Variants in GMDS observed in about 807,000 individuals in gnomAD.
GMDS encodes the protein GDP-mannose 4,6 dehydratase.
GMDS carries 20 observed loss-of-function variants against 49.9 expected under a neutral mutation model. The ratio of observed to expected loss-of-function variants is 0.40; its 90% CI spans 0.28 to 0.58. The LOEUF (loss-of-function observed/expected upper bound fraction) is 0.58. Ranked by LOEUF, GMDS falls within the 20% of genes least tolerant of loss-of-function variation. The pLI is 0.42. For missense variants in GMDS, 362 were observed against 481.4 expected (o/e 0.75, Z 2.32); for synonymous variants, 177 against 178.6 (o/e 0.99, Z 0.07).
At chr6:2,240,615 A>G (rs1049989482) in intron 1 of GMDS, among the ~76,000 whole-genome samples, 1 of 151,802 alleles carries the variant, frequency 6.6e-6, no homozygotes, top group Non-Finnish European at 1.5e-5. Context: ...AAAAAAAAAA[A>G]AAAAAGAAAA....
At chr6:2,103,327 A>T (rs765497492) in intron 4 of GMDS, among the ~76,000 whole-genome samples, 1 of 152,204 alleles carries the variant, frequency 6.6e-6, no homozygotes, top group Non-Finnish European at 1.5e-5. Context: ...TAAGATATCA[A>T]ATTTACTAAG....
At chr6:2,095,337 C>A (rs1773533585) in intron 4 of GMDS, among the ~76,000 whole-genome samples, 2 of 152,178 alleles carry the variant, frequency 1.3e-5, no homozygotes, top group African/African-American at 4.8e-5. Context: ...CTCAGTGGGG[C>A]ACAAACTCGT....
chr6:2,170,538 G>A (rs935428386), intron 1 of GMDS, among the ~76,000 whole-genome samples: 1 of 151,552 alleles, frequency 6.6e-6, no homozygotes, highest in East Asian at 1.9e-4. Flanking sequence ...GACGTGGGAG[G>A]ATCACTTGAG....
intron 7 of GMDS, among the ~76,000 whole-genome samples, chr6:1,823,139 TGTAAAATGAA>T (rs1770964764): frequency 6.6e-6 from 1 of 152,346 alleles, no homozygotes; most frequent in East Asian, 1.9e-4. Context: ...AAAACTCATT[TGTAAAATGAA>T]ACTTATTTGT....
At chr6:1,743,538 A>G (rs5017127) in intron 7 of GMDS, among the ~76,000 whole-genome samples, 55,596 of 136,048 alleles carry the variant, frequency 0.41, 12,404 homozygotes, top group East Asian at 0.64. Context: ...ACCAGACTCC[A>G]TCTCAAAAAA....
chr6:2,236,618 T>A (rs181082011), intron 1 of GMDS, among the ~76,000 whole-genome samples: 1 of 152,214 alleles, frequency 6.6e-6, no homozygotes, highest in African/African-American at 2.4e-5. Context: ...TTCCAATTCA[T>A]CATTTTTAAA....
chr6:1,720,741 C>T (rs866427133), intron 9 of GMDS, among the ~76,000 whole-genome samples: 2 of 152,082 alleles, frequency 1.3e-5, no homozygotes, highest in Admixed American at 1.3e-4. Context: ...CCCTGGCTCC[C>T]GCTGGTCAGA....
chr6:2,003,980 T>C (rs919033493), intron 4 of GMDS, among the ~76,000 whole-genome samples: 3 of 152,240 alleles, frequency 2.0e-5, no homozygotes, highest in African/African-American at 7.2e-5. Context: ...GATATCATGT[T>C]CACATAGCAT....
intron 7 of GMDS, among the ~76,000 whole-genome samples, chr6:1,891,864 G>A (rs1360958099): frequency 6.6e-6 from 1 of 152,164 alleles, no homozygotes; most frequent in African/African-American, 2.4e-5. Context: ...CAGGGCTGAG[G>A]TCATATGACA....
chr6:2,001,508 G>C (rs571533006), intron 4 of GMDS, among the ~76,000 whole-genome samples: 1 of 152,058 alleles, frequency 6.6e-6, no homozygotes, highest in South Asian at 2.1e-4. Flanking sequence ...AGAGTTTTAT[G>C]CTTTTAGCTC....
chr6:1,840,806 G>A (rs114266745), intron 7 of GMDS, among the ~76,000 whole-genome samples: 4,418 of 152,282 alleles, frequency 0.029, 94 homozygotes, highest in Non-Finnish European at 0.044. Context: ...TAGAATAGCC[G>A]TAATGTGTGG....
intron 1 of GMDS, among the ~76,000 whole-genome samples, chr6:2,241,508 A>C (rs1449304900): frequency 6.6e-6 from 1 of 152,160 alleles, no homozygotes; most frequent in African/African-American, 2.4e-5. Context: ...TTAATCCCCA[A>C]GGTTGGAGGT....
At chr6:1,829,706 C>T (rs71550088) in intron 7 of GMDS, among the ~76,000 whole-genome samples, 12,600 of 152,308 alleles carry the variant, frequency 0.083, 671 homozygotes, top group East Asian at 0.19. Context: ...TCCCAAAATG[C>T]AGGGATTACA....
intron 7 of GMDS, among the ~76,000 whole-genome samples, chr6:1,793,065 C>A (rs1446446427): frequency 1.3e-5 from 2 of 152,182 alleles, no homozygotes; most frequent in African/African-American, 4.8e-5. Flanking sequence ...CCATGTATCT[C>A]ATCTTCACCC....
At chr6:1,755,144 C>T (rs1220351355) in intron 7 of GMDS, among the ~76,000 whole-genome samples, 2 of 152,188 alleles carry the variant, frequency 1.3e-5, no homozygotes, top group Admixed American at 1.3e-4. Flanking sequence ...ACTGTCTCAG[C>T]CCAAAATCTC....
intron 1 of GMDS, among the ~76,000 whole-genome samples, chr6:2,202,183 C>A (rs1010432764): frequency 6.9e-6 from 1 of 144,126 alleles, no homozygotes; most frequent in African/African-American, 2.6e-5. Context: ...CATGGACATC[C>A]GAGATGTAAC....
At chr6:1,953,800 T>C (rs1184370147) in intron 6 of GMDS, among the ~76,000 whole-genome samples, 2 of 152,196 alleles carry the variant, frequency 1.3e-5, no homozygotes, top group African/African-American at 2.4e-5. Context: ...GAAACTAATA[T>C]ACTTATTTAT....
In GMDS at chr6:1,774,968, C is replaced by T. The variant is rs527741247; in HGVS notation, c.772-32382G>A. 2.3e-4 allele frequency among the ~76,000 whole-genome samples: 35 copies of T among 152,282 alleles called. No individual in the cohort carries two copies. The South Asian group carries it at 5.4e-3, about 23-fold the overall frequency. ...TTGAAGGGGATGAGAAATTTCCAAGCGGAGCCTGCTCGATGGCCTCCTGTC... is the reference window on the plus strand; with the variant it reads ...TTGAAGGGGATGAGAAATTTCCAAGTGGAGCCTGCTCGATGGCCTCCTGTC... On this transcript the variant is annotated intron_variant, in intron 7 of 10. Transcript: ENST00000380815.
At chr6:1,887,866 T>A (rs952491915) in intron 7 of GMDS, among the ~76,000 whole-genome samples, 2 of 152,178 alleles carry the variant, frequency 1.3e-5, no homozygotes, top group Non-Finnish European at 2.9e-5. Context: ...ATACCTTAAA[T>A]CATCTCTAGA....
Sources: allele counts gnomAD v4.1 joint callset (sites outside exome capture counted in the v4.1 genomes callset), GRCh38; gene constraint gnomAD v4.1.1; transcripts MANE v1.5; gene names NCBI Gene and HGNC (gene_info 2026-07-23, HGNC 2026-07-21).